The following HIVEP1 variants were observed in gnomAD, a reference collection of about 807,000 sequenced individuals.
HIVEP1 encodes zinc finger protein 40.
Under a neutral mutation model 180.0 loss-of-function variants are expected in HIVEP1, and 36 were observed. That is an observed-to-expected ratio of 0.20 (90% CI 0.15 to 0.26). The LOEUF (loss-of-function observed/expected upper bound fraction) is 0.26, where lower values mean the gene tolerates loss of function less well. Among genes scored for constraint, HIVEP1 ranks in the 10% least tolerant of loss-of-function variants. The pLI, the probability that HIVEP1 is intolerant of heterozygous loss-of-function variation, is 1.00. For missense variants in HIVEP1, 3,143 were observed against 3,268.7 expected, an observed-to-expected ratio of 0.96 and a Z score of 0.94; for synonymous variants, 1,239 against 1,239.0, an observed-to-expected ratio of 1.00 and a Z score of 0.00.
intron 7 of HIVEP1, among the ~76,000 whole-genome samples, chr6:12,151,560 T>C (rs1413616103): frequency 6.6e-6 from 1 of 152,220 alleles, no homozygotes; most frequent in African/African-American, 2.4e-5. Context: ...TCTAATCATA[T>C]ACAGTACAAG....
intron 3 of HIVEP1, among the ~76,000 whole-genome samples, chr6:12,103,555 G>A (rs1475281518): frequency 2.6e-5 from 4 of 151,436 alleles, no homozygotes; most frequent in Non-Finnish European, 5.9e-5. Context: ...CACACATGGA[G>A]ACTTACTATT....
intron 3 of HIVEP1, 71 bp downstream of exon 3, chr6:12,089,308 A>G: frequency 1.2e-6 from 1 of 841,000 alleles, no homozygotes; most frequent in Non-Finnish European, 2.0e-6. Flanking sequence ...TCATAAATGT[A>G]GCCTTATGAA....
rs370537819 is a variant in HIVEP1, at chr6:12,122,510, T to C, written c.2715T>C (p.Ser905=). 12 of 1,614,090 alleles carry C rather than the reference T, an allele frequency of 7.4e-6. No individual in the cohort carries two copies. In the African/African-American group the frequency reaches 1.5e-4, roughly 20 times the overall value. The change falls in exon 4 of 9, where the codon TCT becomes TCC. Residue 905 remains serine (S), a synonymous_variant. Transcript: ENST00000379388. ...TLVRQAAIED[S]SANESHVLGT... ...TGAGACAAGCAGCCATAGAAGACTC[T>C]TCAGCAAATGAAAGTCATGTTCTTG...
intron 2 of HIVEP1, among the ~76,000 whole-genome samples, chr6:12,024,206 G>T (rs1768431807): frequency 6.6e-6 from 1 of 150,914 alleles, no homozygotes; most frequent in Non-Finnish European, 1.5e-5. Flanking sequence ...TTTTGATCAT[G>T]AGGCTTTAGG....
chr6:12,077,900 T>C (rs1772478061), intron 2 of HIVEP1, among the ~76,000 whole-genome samples: 1 of 152,168 alleles, frequency 6.6e-6, no homozygotes, highest in Non-Finnish European at 1.5e-5. Context: ...TTAGAGAGTA[T>C]GGATGTGTTT....
rs1760615727 is a variant in HIVEP1, at chr6:12,164,308, T to C, written c.8004T>C (p.His2668=). Residue 2668 remains histidine (H), a synonymous_variant, in exon 9 of 9, where the codon CAT becomes CAC. Transcript: ENST00000379388. ...CGTCACAACCTCTGCTGAAGGCACATTCTGAAGTTTTTACAAAGCCCTCAG... is the reference window on the plus strand; with the variant it reads ...CGTCACAACCTCTGCTGAAGGCACACTCTGAAGTTTTTACAAAGCCCTCAG... The part of the protein sequence containing the change: ...ASTSQPLLKA[H]SEVFTKPSGQ... 1 of 1,613,766 alleles carries C rather than the reference T, an allele frequency of 6.2e-7. No homozygotes were observed.
intron 7 of HIVEP1, among the ~76,000 whole-genome samples, chr6:12,153,128 A>G (rs573159910): frequency 3.9e-5 from 6 of 152,322 alleles, no homozygotes; most frequent in African/African-American, 1.4e-4. Flanking sequence ...TCTCCTTGGG[A>G]ACTACATTTT....
In HIVEP1 at chr6:12,124,056, C is replaced by G; in HGVS notation, c.4261C>G (p.Leu1421Val). The change falls in exon 4 of 9, where the codon CTC becomes GTC. Residue 1421 changes from leucine (L) to valine (V), a missense_variant. Coordinates refer to ENST00000379388, the MANE Select transcript of HIVEP1 (RefSeq NM_002114.4). ...AGTGGGAGTGACTGGGCATGTGCCT[C>G]TCTTAGAAAGAAGGAGAGGCCCACT... ...SRVGVTGHVP[L>V]LERRRGPLVR... The G allele has an allele frequency of 1.2e-6, 2 of 1,614,126 alleles. No individual in the cohort carries two copies. The highest frequency in any genetic ancestry group is 1.7e-6 in the Non-Finnish European group (2 of 1,179,996).
chr6:12,071,641 A>G (rs552052761), intron 2 of HIVEP1, among the ~76,000 whole-genome samples: 240 of 152,256 alleles, frequency 1.6e-3, no homozygotes, highest in African/African-American at 5.3e-3. Flanking sequence ...CATACTTGCT[A>G]TTTGCTGTGT....
rs751809166 is a variant in HIVEP1 at position 12,122,301 on chromosome 6, A to T, written c.2506A>T (p.Ile836Phe). 1 of 1,614,236 alleles carries T rather than the reference A, an allele frequency of 6.2e-7. No individual in the cohort carries two copies. The highest frequency in any genetic ancestry group is 1.7e-5 in the Admixed American group (1 of 60,028). Residue 836 changes from isoleucine (I) to phenylalanine (F), a missense_variant, in exon 4 of 9, where the codon ATC (isoleucine) becomes TTC (phenylalanine). Around this residue, in one of 12 missense-constraint regions of HIVEP1, gnomAD observed 204 missense variants for 243.7 expected, o/e 0.84. Coordinates refer to ENST00000379388, the MANE Select transcript of HIVEP1 (RefSeq NM_002114.4). ...TGTACCTTCACTTGACTGTTTACCT[A>T]TCACAAGAAGTAATTCCATGCCGAC... ...LSVPSLDCLP[I>F]TRSNSMPTTG...
intron 3 of HIVEP1, among the ~76,000 whole-genome samples, chr6:12,103,099 G>A (rs1289461557): frequency 2.0e-5 from 3 of 151,798 alleles, no homozygotes; most frequent in Non-Finnish European, 4.4e-5. Context: ...CGGCCCTGTA[G>A]TATGATAGAA....
intron 7 of HIVEP1, among the ~76,000 whole-genome samples, chr6:12,145,905 C>T (rs1759349306): frequency 2.0e-5 from 3 of 152,072 alleles, no homozygotes; most frequent in Admixed American, 2.0e-4. Flanking sequence ...AGAAAAAAAT[C>T]TCTAAAATCT....
chr6:12,208,538 C>T, the HIVEP1 span, among the ~76,000 whole-genome samples: 1 of 152,160 alleles, frequency 6.6e-6, no homozygotes, highest in Non-Finnish European at 1.5e-5. Flanking sequence ...CACCGCGTCA[C>T]CCAGCCCCAC....
chr6:12,069,641 G>T (rs935193700), intron 2 of HIVEP1, among the ~76,000 whole-genome samples: 6 of 151,180 alleles, frequency 4.0e-5, no homozygotes, highest in African/African-American at 1.5e-4. Context: ...GTTAGTGGGT[G>T]CAGCGCACCA....
chr6:12,156,526 G>A (rs1359172019), intron 7 of HIVEP1, among the ~76,000 whole-genome samples: 5 of 152,212 alleles, frequency 3.3e-5, no homozygotes, highest in Admixed American at 3.3e-4. Context: ...GTTTGTTGAA[G>A]ATCAGATGGT....
At chr6:12,016,996 A>G (rs938828274) in intron 2 of HIVEP1, among the ~76,000 whole-genome samples, 2 of 152,218 alleles carry the variant, frequency 1.3e-5, no homozygotes, top group South Asian at 4.1e-4. Flanking sequence ...AGCCCAGCAC[A>G]GTTCCTGGCA....
chr6:12,174,891 T>G, the HIVEP1 span, among the ~76,000 whole-genome samples: 2 of 72,188 alleles, frequency 2.8e-5, no homozygotes, highest in Non-Finnish European at 7.8e-5. Flanking sequence ...GTAATGTAAT[T>G]TAAGTGATTT....
At chr6:12,148,673 A>G (rs1057014842) in intron 7 of HIVEP1, among the ~76,000 whole-genome samples, 1 of 152,220 alleles carries the variant, frequency 6.6e-6, no homozygotes, top group Non-Finnish European at 1.5e-5. Flanking sequence ...CTGTGTGTCA[A>G]CAGTAGAAAT....
At chr6:12,134,737 C>G (rs1758613536) in intron 6 of HIVEP1, among the ~76,000 whole-genome samples, 1 of 152,192 alleles carries the variant, frequency 6.6e-6, no homozygotes, top group African/African-American at 2.4e-5. Flanking sequence ...GCTGTTTCCC[C>G]TGGATTCAGT....
Sources: allele counts gnomAD v4.1 joint callset (sites outside exome capture counted in the v4.1 genomes callset), GRCh38; gene constraint gnomAD v4.1.1; regional missense constraint gnomAD v4.1.1; transcripts MANE v1.5; gene names NCBI Gene and HGNC (gene_info 2026-07-23, HGNC 2026-07-21).